The following GALNT13 variants were observed in gnomAD, a reference collection of about 807,000 sequenced individuals.
GALNT13 encodes the protein UDP-GalNAc:polypeptide N-acetylgalactosaminyltransferase 13.
In GALNT13, 28 loss-of-function variants were observed where a neutral mutation model predicts 64.2. That is an observed-to-expected ratio of 0.44 (90% CI 0.32 to 0.60). The LOEUF (loss-of-function observed/expected upper bound fraction) is 0.60, where lower values mean the gene tolerates loss of function less well. Among genes scored for constraint, GALNT13 ranks in the 20% least tolerant of loss-of-function variants. GALNT13 has a pLI of 0.05. For synonymous variants in GALNT13, 214 were observed against 224.6 expected (o/e 0.95, Z 0.42); for missense variants, 577 against 669.8 (o/e 0.86, Z 1.53).
the GALNT13 span, among the ~76,000 whole-genome samples, chr2:153,512,285 T>C: frequency 6.6e-6 from 1 of 151,920 alleles, no homozygotes; most frequent in African/African-American, 2.4e-5. Flanking sequence ...CAAAACTGGG[T>C]TTTTAGAGAA....
intron 4 of GALNT13, among the ~76,000 whole-genome samples, chr2:154,191,904 GCA>G (rs1686605605): frequency 6.6e-6 from 1 of 152,182 alleles, no homozygotes; most frequent in African/African-American, 2.4e-5. Context: ...CTTACAGCAA[GCA>G]CAGAGGGCTT....
At chr2:153,723,516 C>T in the GALNT13 span, among the ~76,000 whole-genome samples, 1 of 149,888 alleles carries the variant, frequency 6.7e-6, no homozygotes, top group Non-Finnish European at 1.5e-5. Context: ...GTCAAATTGT[C>T]CCTGTTTGCA....
intron 9 of GALNT13, among the ~76,000 whole-genome samples, chr2:154,335,892 T>A (rs955281954): frequency 1.3e-5 from 2 of 152,100 alleles, no homozygotes; most frequent in African/African-American, 2.4e-5. Flanking sequence ...TCCTCTTGAT[T>A]TGGCAACTTT....
the GALNT13 span, among the ~76,000 whole-genome samples, chr2:153,304,682 G>A: frequency 1.3e-5 from 2 of 152,126 alleles, no homozygotes; most frequent in African/African-American, 4.8e-5. Context: ...ACAGCTTTGT[G>A]ATTGTTTTCT....
chr2:154,092,181 CTA>C (rs1701848354), intron 3 of GALNT13, among the ~76,000 whole-genome samples: 1 of 151,416 alleles, frequency 6.6e-6, no homozygotes, highest in Admixed American at 6.6e-5. Flanking sequence ...CTGCTCAGGC[CTA>C]TGAGTCCTCT....
chr2:153,405,976 G>T, the GALNT13 span, among the ~76,000 whole-genome samples: 7 of 152,154 alleles, frequency 4.6e-5, no homozygotes, highest in Non-Finnish European at 8.8e-5. Context: ...AGGATTGGCA[G>T]GTGAGCTAAA....
At chr2:153,989,504 T>A (rs1388578220) in intron 3 of GALNT13, among the ~76,000 whole-genome samples, 8 of 151,994 alleles carry the variant, frequency 5.3e-5, no homozygotes, top group Admixed American at 2.6e-4. Flanking sequence ...CAAGGAATCC[T>A]GGAGATTAAA....
At chr2:153,999,497 T>C (rs1695753073) in intron 3 of GALNT13, among the ~76,000 whole-genome samples, 1 of 152,124 alleles carries the variant, frequency 6.6e-6, no homozygotes, top group South Asian at 2.1e-4. Flanking sequence ...TTTCTATGCC[T>C]AATTCATTGA....
chr2:154,007,801 A>G (rs1330008214), intron 3 of GALNT13, among the ~76,000 whole-genome samples: 1 of 152,000 alleles, frequency 6.6e-6, no homozygotes, highest in African/African-American at 2.4e-5. Flanking sequence ...CTGAATATCA[A>G]CTTTAAGACA....
At chr2:154,038,641 G>T (rs1050891179) in intron 3 of GALNT13, among the ~76,000 whole-genome samples, 3 of 151,994 alleles carry the variant, frequency 2.0e-5, no homozygotes, top group Non-Finnish European at 4.4e-5. Context: ...TAAATGTAAG[G>T]CCTGAAAATA....
chr2:154,233,938 G>T (rs1689062397), intron 4 of GALNT13, among the ~76,000 whole-genome samples: 1 of 152,076 alleles, frequency 6.6e-6, no homozygotes, highest in Admixed American at 6.6e-5. Flanking sequence ...ATATTAAACA[G>T]AGATTAAAGT....
At chr2:153,888,889 C>G (rs1687361274) in intron 1 of GALNT13, among the ~76,000 whole-genome samples, 1 of 151,968 alleles carries the variant, frequency 6.6e-6, no homozygotes, top group African/African-American at 2.4e-5. Flanking sequence ...AGTTCACTTT[C>G]AGAACAGTCT....
At chr2:153,550,293 G>A in the GALNT13 span, among the ~76,000 whole-genome samples, 2 of 150,740 alleles carry the variant, frequency 1.3e-5, no homozygotes, top group Non-Finnish European at 3.0e-5. Flanking sequence ...GGAGTGTAGT[G>A]GCACCATCTC....
intron 9 of GALNT13, among the ~76,000 whole-genome samples, chr2:154,364,944 T>TTACAGATA (rs1697285404): frequency 6.6e-6 from 1 of 152,232 alleles, no homozygotes; most frequent in African/African-American, 2.4e-5. Context: ...AGTGCTGGGA[T>TTACAGATA]TACAGGCGTA....
intron 9 of GALNT13, among the ~76,000 whole-genome samples, chr2:154,392,127 A>G (rs1371586962): frequency 1.3e-5 from 2 of 152,190 alleles, no homozygotes; most frequent in African/African-American, 4.8e-5. Context: ...GCTAGAATGA[A>G]GATGTTACTG....
At chr2:153,142,995 A>G in the GALNT13 span, among the ~76,000 whole-genome samples, 2 of 151,938 alleles carry the variant, frequency 1.3e-5, no homozygotes, top group Non-Finnish European at 2.9e-5. Context: ...GAAAAGGAGA[A>G]GAGATAATGG....
chr2:153,992,629 A>G (rs1169133236), intron 3 of GALNT13, among the ~76,000 whole-genome samples: 1 of 152,238 alleles, frequency 6.6e-6, no homozygotes, highest in Non-Finnish European at 1.5e-5. Flanking sequence ...AATAAAGGTA[A>G]GTCATTCTGG....
At chr2:153,643,812 T>C in the GALNT13 span, among the ~76,000 whole-genome samples, 2 of 152,056 alleles carry the variant, frequency 1.3e-5, no homozygotes, top group African/African-American at 2.4e-5. Context: ...AATCATTTAA[T>C]GTAATTTATT....
chr2:154,282,284 C>T (rs1692002747), intron 8 of GALNT13, among the ~76,000 whole-genome samples: 1 of 152,134 alleles, frequency 6.6e-6, no homozygotes, highest in Non-Finnish European at 1.5e-5. Context: ...GGGAAAAACA[C>T]ATTTATTGCC....
Sources: gnomAD v4.1 joint callset for allele counts (sites outside exome capture counted in the v4.1 genomes callset) on GRCh38, gnomAD v4.1.1 for gene constraint, MANE v1.5 for transcripts, NCBI Gene and HGNC (gene_info 2026-07-23, HGNC 2026-07-21) for gene names.